NDUFS5: variants seen among roughly 807,000 people sequenced by gnomAD.
NDUFS5 encodes NADH:ubiquinone oxidoreductase subunit S5.
A neutral mutation model predicts 10.5 loss-of-function variants in NDUFS5; 7 were observed. The observed-to-expected ratio is 0.66, with a 90% CI of 0.38 to 1.25. NDUFS5 has a LOEUF of 1.25. Ranked by LOEUF, NDUFS5 falls within the 50% of genes most tolerant of loss-of-function variation. NDUFS5 has a pLI of 0.02. For synonymous variants in NDUFS5, 38 were observed against 44.0 expected, an observed-to-expected ratio of 0.86 and a Z score of 0.54; for missense variants, 148 against 140.7, an observed-to-expected ratio of 1.05 and a Z score of -0.26.
chr1:39,028,834 A>T lies in NDUFS5; in HGVS notation c.110A>T (p.Glu37Val), dbSNP rs1196407909. 4 of 1,613,970 alleles carry T rather than the reference A, an allele frequency of 2.5e-6. No homozygotes were observed. The highest frequency in any genetic ancestry group is 2.5e-6 in the Non-Finnish European group (3 of 1,179,990). ...ATGGCTGGTCGATGCCATGCTTTTG[A>T]AAAAGAATGGATAGAATGTGCACAT... The part of the protein sequence containing the change: ...YKMAGRCHAF[E>V]KEWIECAHGI... The change falls in exon 2 of 3, where the codon GAA (glutamate) becomes GTA (valine). Residue 37 changes from glutamate to valine, a missense_variant. Glu to Val is a moderately radical substitution (Grantham distance 121). Transcript: ENST00000372969.
intron 2 of NDUFS5, among the ~76,000 whole-genome samples, chr1:39,031,282 A>G (rs1295028894): frequency 6.6e-6 from 1 of 151,976 alleles, no homozygotes; most frequent in Admixed American, 6.6e-5. Context: ...AAGTGCTGGA[A>G]TTACAGGTGT....
At chr1:39,028,683 G>A (rs1344187835) in intron 1 of NDUFS5, 40 bp from the exon 2 acceptor site, 5 of 1,572,118 alleles carry the variant, frequency 3.2e-6, no homozygotes, top group African/African-American at 2.7e-5. Context: ...GCCCTCTTGT[G>A]GTATTTTATT....
At position 39,026,358 on chromosome 1, in the gene NDUFS5, T is replaced by G. The variant is rs1275888776; in HGVS notation, c.-47T>G. 6.6e-6 allele frequency: 1 copy of G among 152,222 alleles called. No individual in the cohort carries two copies. The highest frequency in any genetic ancestry group is 1.5e-5 in the Non-Finnish European group (1 of 68,070). 9.4% of individuals were successfully genotyped at this position (152,222 alleles called of 1,614,324 possible). ...CGTCCGCGTCGCTAGCTAGTCGTTC[T>G]GAAGCGGCGGCCAGAGAAGAGTCAA... On this transcript the variant is annotated 5_prime_UTR_variant, in exon 1 of 3. Coordinates refer to ENST00000372969, the MANE Select transcript of NDUFS5 (RefSeq NM_004552.3).
intron 1 of NDUFS5, among the ~76,000 whole-genome samples, chr1:39,026,867 T>TA (rs1310393587): frequency 6.6e-6 from 1 of 152,186 alleles, no homozygotes; most frequent in African/African-American, 2.4e-5. Flanking sequence ...CAAGCCATGT[T>TA]AAAGGCATTT....
chr1:39,032,960 T>C (rs1644199974), intron 2 of NDUFS5, among the ~76,000 whole-genome samples: 1 of 152,208 alleles, frequency 6.6e-6, no homozygotes, highest in Non-Finnish European at 1.5e-5. Flanking sequence ...TTCATCTTTT[T>C]GTCTCAGTAA....
chr1:39,030,835 GCT>G (rs1439147072), intron 2 of NDUFS5, among the ~76,000 whole-genome samples: 1 of 152,160 alleles, frequency 6.6e-6, no homozygotes, highest in Non-Finnish European at 1.5e-5. Context: ...AGGTTCTGAT[GCT>G]GGTTCTGCCA....
intron 2 of NDUFS5, among the ~76,000 whole-genome samples, chr1:39,030,405 A>G (rs1350998959): frequency 1.5e-5 from 1 of 68,446 alleles, no homozygotes; most frequent in East Asian, 2.6e-4. Flanking sequence ...ACTCCGTCTC[A>G]AGAAAAAAAA....
chr1:39,028,858 A>C lies in NDUFS5; in HGVS notation c.134A>C (p.His45Pro). ...GAAAAAGAATGGATAGAATGTGCAC[A>C]TGGAATCGGTTATACTCGGGCAGAG... ...AFEKEWIECA[H>P]GIGYTRAEKE... The change falls in exon 2 of 3, where the codon CAT (histidine) becomes CCT (proline). Residue 45 changes from histidine to proline, a missense_variant. Physicochemically the swap from His to Pro is moderately conservative, Grantham distance 77. Coordinates refer to ENST00000372969, the MANE Select transcript of NDUFS5 (RefSeq NM_004552.3). The C allele has an allele frequency of 6.2e-7, 1 of 1,614,208 alleles. No individual in the cohort carries two copies. Among genetic ancestry groups the C allele is most frequent in the South Asian group, 1.1e-5 (1 of 91,088 alleles).
In NDUFS5 at chr1:39,034,530, T is replaced by C; in HGVS notation, c.*34T>C. ...GCTGCTGATGTCTGGAGGCTGATTT[T>C]CCTGTTCTCTGTTCTCCACTGGAAA... On this transcript the variant is annotated 3_prime_UTR_variant, in exon 3 of 3. Transcript: ENST00000372969. 6.3e-7 allele frequency: 1 copy of C among 1,583,476 alleles called. No individual in the cohort carries two copies. Among genetic ancestry groups the C allele is most frequent in the East Asian group, 2.2e-5 (1 of 44,676 alleles).
intron 2 of NDUFS5, among the ~76,000 whole-genome samples, chr1:39,030,407 GA>G (rs35007555): frequency 0.68 from 91,382 of 133,430 alleles, 30,567 homozygotes; most frequent in Non-Finnish European, 0.81. Flanking sequence ...TCCGTCTCAA[GA>G]AAAAAAAAAA....
intron 2 of NDUFS5, 82 bp downstream of exon 2, chr1:39,029,022 C>T (rs1281000744): frequency 1.9e-5 from 24 of 1,269,526 alleles, no homozygotes; most frequent in Non-Finnish European, 2.5e-5. Context: ...GACGAAGTCT[C>T]ACTCTTGTCC....
At chr1:39,030,740 TA>T (rs1176813686) in intron 2 of NDUFS5, among the ~76,000 whole-genome samples, 42 of 146,464 alleles carry the variant, frequency 2.9e-4, no homozygotes, top group Admixed American at 2.7e-3. Context: ...AAAAAGAAAA[TA>T]AAAAAAAGAT....
intron 2 of NDUFS5, 145 bp from the exon 3 acceptor site, chr1:39,034,247 T>C: frequency 1.5e-6 from 1 of 679,240 alleles, no homozygotes; most frequent in Non-Finnish European, 2.6e-6. Flanking sequence ...GTTAATTCTT[T>C]AAAGGCGGAC....
intron 2 of NDUFS5, among the ~76,000 whole-genome samples, chr1:39,034,054 C>G (rs987921375): frequency 3.9e-5 from 6 of 152,130 alleles, no homozygotes; most frequent in African/African-American, 1.4e-4. Context: ...CCCGCCTCAG[C>G]CTCCCAAAGT....
At chr1:39,032,562 A>C (rs1644196574) in intron 2 of NDUFS5, among the ~76,000 whole-genome samples, 1 of 151,214 alleles carries the variant, frequency 6.6e-6, no homozygotes, top group African/African-American at 2.4e-5. Flanking sequence ...ATTATGTCAG[A>C]AACTAGTCTA....
chr1:39,026,872 G>C (rs990938554), intron 1 of NDUFS5, among the ~76,000 whole-genome samples: 26 of 152,206 alleles, frequency 1.7e-4, no homozygotes, highest in African/African-American at 6.3e-4. Context: ...CATGTTAAAG[G>C]CATTTTCAAG....
chr1:39,028,654 A>C, intron 1 of NDUFS5, 69 bp from the exon 2 acceptor site: 2 of 1,380,104 alleles, frequency 1.4e-6, no homozygotes, highest in Non-Finnish European at 2.0e-6. Flanking sequence ...ATTTTTTCTT[A>C]GAAATTTCTC....
intron 1 of NDUFS5, among the ~76,000 whole-genome samples, chr1:39,027,793 A>C (rs1644161578): frequency 7.9e-6 from 1 of 125,896 alleles, no homozygotes; most frequent in Non-Finnish European, 1.7e-5. Flanking sequence ...AAAGGATCCA[A>C]ATTCTTTTTT....
intron 2 of NDUFS5, among the ~76,000 whole-genome samples, chr1:39,030,817 G>T (rs971142033): frequency 6.6e-6 from 1 of 152,172 alleles, no homozygotes; most frequent in African/African-American, 2.4e-5. Flanking sequence ...TTGGGAGTTA[G>T]GAGAGTCAGG....
Sources: allele counts gnomAD v4.1 joint callset (sites outside exome capture counted in the v4.1 genomes callset), GRCh38; gene constraint gnomAD v4.1.1; transcripts MANE v1.5; gene names NCBI Gene and HGNC (gene_info 2026-07-23, HGNC 2026-07-21).